Variants in ENTREP2 observed in about 807,000 individuals in gnomAD.
ENTREP2 encodes the protein endosomal transmembrane epsin interactor 2, also known as protein ENTREP2.
the ENTREP2 span, among the ~76,000 whole-genome samples, chr15:29,401,270 T>C: frequency 6.6e-6 from 1 of 152,118 alleles, no homozygotes; most frequent in African/African-American, 2.4e-5. Context: ...ATATTTATAA[T>C]ACATAAACAG....
the ENTREP2 span, among the ~76,000 whole-genome samples, chr15:29,260,917 T>A: frequency 5.5e-4 from 84 of 152,168 alleles, no homozygotes; most frequent in Non-Finnish European, 8.7e-4. Context: ...CAGGAGGAGA[T>A]AATGATGCTA....
chr15:29,358,473 G>C, the ENTREP2 span, among the ~76,000 whole-genome samples: 1 of 152,224 alleles, frequency 6.6e-6, no homozygotes, highest in African/African-American at 2.4e-5. Context: ...CAGATGGGAA[G>C]GAGCCCACAG....
At chr15:29,366,012 G>A in the ENTREP2 span, among the ~76,000 whole-genome samples, 2 of 152,090 alleles carry the variant, frequency 1.3e-5, no homozygotes, top group Admixed American at 6.6e-5. Context: ...GATGACTTCC[G>A]TTATCACCTA....
chr15:29,370,055 A>T, the ENTREP2 span, among the ~76,000 whole-genome samples: 5 of 152,334 alleles, frequency 3.3e-5, no homozygotes, highest in African/African-American at 1.2e-4. Context: ...TAAATAAATT[A>T]CCCAATCTCA....
the ENTREP2 span, among the ~76,000 whole-genome samples, chr15:29,413,508 A>AT: frequency 6.6e-6 from 1 of 152,182 alleles, no homozygotes; most frequent in Non-Finnish European, 1.5e-5. Flanking sequence ...CTGAAAGTCG[A>AT]TTTTGTCTGA....
the ENTREP2 span, among the ~76,000 whole-genome samples, chr15:29,220,496 C>T: frequency 1.3e-5 from 2 of 152,158 alleles, no homozygotes; most frequent in African/African-American, 4.8e-5. Flanking sequence ...AACACAGCCA[C>T]GTGGCACAGG....
chr15:29,663,977 G>A, the ENTREP2 span, among the ~76,000 whole-genome samples: 13 of 150,644 alleles, frequency 8.6e-5, no homozygotes, highest in African/African-American at 2.2e-4. Context: ...GCAGTGAGCC[G>A]AGATCGCGCC....
At chr15:29,170,050 GT>G in the ENTREP2 span, among the ~76,000 whole-genome samples, 1 of 152,136 alleles carries the variant, frequency 6.6e-6, no homozygotes, top group African/African-American at 2.4e-5. Context: ...GCTCATGCCT[GT>G]AATCCCAGCA....
the ENTREP2 span, among the ~76,000 whole-genome samples, chr15:29,351,370 T>C: frequency 2.3e-4 from 35 of 152,346 alleles, 1 homozygote; most frequent in South Asian, 6.8e-3. Context: ...AGCACAAAAC[T>C]GTATTTTATT....
chr15:29,623,198 C>CA, the ENTREP2 span, among the ~76,000 whole-genome samples: 1 of 152,154 alleles, frequency 6.6e-6, no homozygotes, highest in Admixed American at 6.5e-5. Context: ...CTTCCCCTGA[C>CA]AATGTTTCTC....
chr15:29,587,171 G>GTATGTA, the ENTREP2 span, among the ~76,000 whole-genome samples: 1 of 147,130 alleles, frequency 6.8e-6, no homozygotes, highest in South Asian at 2.2e-4. Context: ...GTGTGTGTGT[G>GTATGTA]TGTGTGTGTG....
chr15:29,382,419 C>T, the ENTREP2 span, among the ~76,000 whole-genome samples: 1 of 152,092 alleles, frequency 6.6e-6, no homozygotes, highest in Admixed American at 6.5e-5. Context: ...TCCCCTGATG[C>T]ACACCCTTCT....
the ENTREP2 span, among the ~76,000 whole-genome samples, chr15:29,378,789 CTGTG>C: frequency 6.6e-6 from 1 of 151,646 alleles, no homozygotes; most frequent in Admixed American, 6.6e-5. Flanking sequence ...ATATATACAT[CTGTG>C]TATGCGTGTG....
At chr15:29,315,037 C>A in the ENTREP2 span, among the ~76,000 whole-genome samples, 3 of 151,942 alleles carry the variant, frequency 2.0e-5, no homozygotes, top group Non-Finnish European at 4.4e-5. Flanking sequence ...GGTGACAGAG[C>A]GAGACTTTGT....
At chr15:29,503,364 T>C in the ENTREP2 span, among the ~76,000 whole-genome samples, 15 of 152,264 alleles carry the variant, frequency 9.9e-5, no homozygotes, top group East Asian at 2.9e-3. Flanking sequence ...ATGATTCCAG[T>C]TATGTGAAAT....
At chr15:29,571,594 CT>C in the ENTREP2 span, among the ~76,000 whole-genome samples, 1 of 152,176 alleles carries the variant, frequency 6.6e-6, no homozygotes, top group Admixed American at 6.5e-5. Context: ...CCTTACCCAC[CT>C]TTGGTTTGCA....
the ENTREP2 span, among the ~76,000 whole-genome samples, chr15:29,423,584 G>A: frequency 7.8e-4 from 117 of 150,466 alleles, no homozygotes; most frequent in Non-Finnish European, 1.4e-3. Context: ...TCAGGAGATC[G>A]AGACCATCCT....
chr15:29,492,098 C>A, the ENTREP2 span, among the ~76,000 whole-genome samples: 2 of 151,476 alleles, frequency 1.3e-5, no homozygotes, highest in Non-Finnish European at 1.5e-5. Flanking sequence ...GGTTTCAGGG[C>A]AGACAAAGGC....
chr15:29,582,844 G>T, the ENTREP2 span, among the ~76,000 whole-genome samples: 1 of 151,934 alleles, frequency 6.6e-6, no homozygotes, highest in African/African-American at 2.4e-5. Context: ...TAGAGATGGG[G>T]TTTCTCCATG....
Sources: allele counts gnomAD v4.1 joint callset (sites outside exome capture counted in the v4.1 genomes callset), GRCh38; gene constraint gnomAD v4.1.1; transcripts MANE v1.5; gene names NCBI Gene and HGNC (gene_info 2026-07-23, HGNC 2026-07-21).